The following PRKCQ variants were observed in gnomAD, a reference collection of about 807,000 sequenced individuals.
PRKCQ encodes protein kinase C theta type.
A neutral mutation model predicts 91.2 loss-of-function variants in PRKCQ; 41 were observed. That is an observed-to-expected ratio of 0.45 (90% CI 0.35 to 0.58). PRKCQ has a LOEUF of 0.58. Among genes scored for constraint, PRKCQ ranks in the 20% least tolerant of loss-of-function variants. PRKCQ has a pLI of 0.00. For missense variants in PRKCQ, 673 were observed against 896.5 expected, an observed-to-expected ratio of 0.75 and a Z score of 3.18; for synonymous variants, 307 against 316.9, an observed-to-expected ratio of 0.97 and a Z score of 0.33.
chr10:6,457,140 A>G (rs1392315372), intron 14 of PRKCQ, among the ~76,000 whole-genome samples: 2 of 152,166 alleles, frequency 1.3e-5, no homozygotes, highest in Non-Finnish European at 2.9e-5. Context: ...AAATATACTT[A>G]CTGTATGCCA....
intron 8 of PRKCQ, among the ~76,000 whole-genome samples, chr10:6,490,818 T>A (rs1164630798): frequency 6.6e-6 from 1 of 151,522 alleles, no homozygotes; most frequent in Non-Finnish European, 1.5e-5. Flanking sequence ...GTTCTCCTTT[T>A]GTGGCTCTAT....
chr10:6,557,469 TGCTCTCCTTCCCTCTCA>T (rs1011553440), intron 1 of PRKCQ, among the ~76,000 whole-genome samples: 1 of 152,212 alleles, frequency 6.6e-6, no homozygotes, highest in African/African-American at 2.4e-5. Context: ...TCTTCTCTCC[TGCTCTCCTTCCCTCTCA>T]GCTCACTCTT....
intron 10 of PRKCQ, among the ~76,000 whole-genome samples, chr10:6,484,158 A>C (rs1836772622): frequency 6.6e-6 from 1 of 152,176 alleles, no homozygotes; most frequent in Non-Finnish European, 1.5e-5. Context: ...TCACACATGT[A>C]ATCTGACAAC....
chr10:6,451,341 T>C (rs1564308018), intron 15 of PRKCQ, among the ~76,000 whole-genome samples: 1 of 152,020 alleles, frequency 6.6e-6, no homozygotes, highest in Non-Finnish European at 1.5e-5. Flanking sequence ...AACGGATAAA[T>C]TCCTCGACAT....
At chr10:6,469,747 AC>A (rs2130733092) in intron 12 of PRKCQ, among the ~76,000 whole-genome samples, 1 of 151,912 alleles carries the variant, frequency 6.6e-6, no homozygotes, top group Admixed American at 6.6e-5. Flanking sequence ...AACCTCTACC[AC>A]CCCTCCCTAC....
At chr10:6,532,238 T>C (rs942277659) in intron 1 of PRKCQ, among the ~76,000 whole-genome samples, 3 of 152,242 alleles carry the variant, frequency 2.0e-5, no homozygotes, top group Admixed American at 6.5e-5. Flanking sequence ...TGCTCATTCT[T>C]CATACTTTAA....
In PRKCQ at chr10:6,504,958, A is replaced by G. The variant is rs1177578166; in HGVS notation, c.379+2478T>C. ...TCCCAGGCTGGAGTGCAGTGGTGCA[A>G]TCTTGGCTCACTGCAAGCTCCGCCT... On this transcript the variant is annotated intron_variant, in intron 4 of 17. Coordinates refer to ENST00000263125, the MANE Select transcript of PRKCQ (RefSeq NM_006257.5). 2.0e-5 allele frequency among the ~76,000 whole-genome samples: 3 copies of G among 151,576 alleles called. No individual in the cohort carries two copies. The East Asian group carries it at 5.8e-4, about 29-fold the overall frequency.
At chr10:6,467,337 G>C (rs1243263612) in intron 12 of PRKCQ, among the ~76,000 whole-genome samples, 1 of 109,682 alleles carries the variant, frequency 9.1e-6, no homozygotes, top group Non-Finnish European at 2.0e-5. Context: ...GAGACAGACA[G>C]AGAGAGAGAG....
intron 1 of PRKCQ, among the ~76,000 whole-genome samples, chr10:6,543,133 G>C (rs1839829980): frequency 6.6e-6 from 1 of 152,168 alleles, no homozygotes; most frequent in South Asian, 2.1e-4. Context: ...GGGAGGCAAG[G>C]GCTCCTCACC....
Position 6,502,699 on chromosome 10 carries a change from G to GA in PRKCQ, c.380-4142dup, listed in dbSNP as rs1285847157. Among the ~76,000 whole-genome samples, 7 of 152,244 alleles carry GA rather than the reference G, an allele frequency of 4.6e-5. No individual in the cohort carries two copies. The South Asian group carries it at 6.2e-4, about 14-fold the overall frequency. ...AATGATGTAATTAGATGATGAAATGGAAAAAATATTGACTAGACAACACGA... is the reference window on the plus strand; with the variant it reads ...AATGATGTAATTAGATGATGAAATGGAAAAAAATATTGACTAGACAACACGA... On this transcript the variant is annotated intron_variant, in intron 4 of 17. Coordinates refer to ENST00000263125, the MANE Select transcript of PRKCQ (RefSeq NM_006257.5).
intron 15 of PRKCQ, among the ~76,000 whole-genome samples, chr10:6,450,563 G>A (rs1834606172): frequency 6.6e-6 from 1 of 152,178 alleles, no homozygotes. Flanking sequence ...ATTGAACTCA[G>A]CTCTGCACCA....
the PRKCQ span, among the ~76,000 whole-genome samples, chr10:6,413,199 G>A: frequency 2.0e-5 from 3 of 152,110 alleles, no homozygotes; most frequent in Non-Finnish European, 4.4e-5. Flanking sequence ...TGATCAGCCC[G>A]CCTAGGCCTC....
the PRKCQ span, among the ~76,000 whole-genome samples, chr10:6,414,399 A>AAAG: frequency 1.2e-4 from 19 of 152,238 alleles, no homozygotes; most frequent in African/African-American, 4.6e-4. Context: ...CACCAAAGAA[A>AAAG]AAGTATTGAC....
At chr10:6,546,574 T>C (rs1194497948) in intron 1 of PRKCQ, among the ~76,000 whole-genome samples, 1 of 152,206 alleles carries the variant, frequency 6.6e-6, no homozygotes, top group African/African-American at 2.4e-5. Flanking sequence ...TTTTTGTACA[T>C]TGATTTCGTA....
chr10:6,494,151 C>T (rs141103932), intron 7 of PRKCQ, among the ~76,000 whole-genome samples: 14 of 152,278 alleles, frequency 9.2e-5, no homozygotes, highest in Non-Finnish European at 1.8e-4. Context: ...CTAAGGGAAG[C>T]GCCTTTGTGT....
At chr10:6,458,484 G>A (rs1835146231) in intron 14 of PRKCQ, among the ~76,000 whole-genome samples, 1 of 152,036 alleles carries the variant, frequency 6.6e-6, no homozygotes, top group Non-Finnish European at 1.5e-5. Context: ...GCTTTCATCT[G>A]TCAGAGGAGA....
intron 2 of PRKCQ, among the ~76,000 whole-genome samples, chr10:6,512,658 G>A (rs1353293620): frequency 6.6e-6 from 1 of 152,168 alleles, no homozygotes; most frequent in Non-Finnish European, 1.5e-5. Flanking sequence ...TTAAAGCCAG[G>A]AAATAAAGCC....
At chr10:6,560,707 A>C (rs915091107) in intron 1 of PRKCQ, among the ~76,000 whole-genome samples, 6 of 152,236 alleles carry the variant, frequency 3.9e-5, no homozygotes, top group African/African-American at 1.4e-4. Flanking sequence ...TTTAGAAACC[A>C]AGCCAAAACA....
the PRKCQ span, among the ~76,000 whole-genome samples, chr10:6,421,942 A>C: frequency 6.6e-6 from 1 of 152,228 alleles, no homozygotes; most frequent in Non-Finnish European, 1.5e-5. The surrounding 1 kb of genome is among the most constrained non-coding windows in gnomAD (Gnocchi z 4.1). Context: ...CATCACCATA[A>C]AATCAGTCTT....
Sources: gnomAD v4.1 joint callset for allele counts (sites outside exome capture counted in the v4.1 genomes callset) on GRCh38, gnomAD v4.1.1 for gene constraint, Gnocchi (gnomAD v3.1) non-coding constraint, MANE v1.5 for transcripts, NCBI Gene and HGNC (gene_info 2026-07-23, HGNC 2026-07-21) for gene names.